Variants in EHBP1 observed in about 807,000 individuals in gnomAD.
EHBP1 encodes EH domain-binding protein 1.
A neutral mutation model predicts 144.0 loss-of-function variants in EHBP1; 55 were observed. That is an observed-to-expected ratio of 0.38 (90% CI 0.31 to 0.48). EHBP1 has a LOEUF of 0.48. Among genes scored for constraint, EHBP1 ranks in the 20% least tolerant of loss-of-function variants. EHBP1 has a pLI of 0.98. For missense variants in EHBP1, 1,200 were observed against 1,364.2 expected (o/e 0.88, Z 1.90); for synonymous variants, 469 against 472.7 (o/e 0.99, Z 0.10).
At chr2:63,013,132 C>T (rs1485697186) in intron 19 of EHBP1, among the ~76,000 whole-genome samples, 1 of 152,162 alleles carries the variant, frequency 6.6e-6, no homozygotes, top group Non-Finnish European at 1.5e-5. Context: ...TCGGGTCTTA[C>T]ATAGTGAGCA....
rs777135815 is a variant in EHBP1 at position 62,993,932 on chromosome 2, G to A, written c.2934G>A (p.Ala978=). Residue 978 remains alanine (A), a synonymous_variant, in exon 18 of 23, where the codon GCG becomes GCA. Coordinates refer to ENST00000431489, the MANE Select transcript of EHBP1 (RefSeq NM_001142616.3). ...DTKKGNEEKA[A]ITETQRKPSE... Reference sequence around the variant, plus strand: ...AGAAAGGAAATGAGGAGAAGGCAGCGATAACTGAAACTCAGAGGAAGCCAT... The same window carrying A: ...AGAAAGGAAATGAGGAGAAGGCAGCAATAACTGAAACTCAGAGGAAGCCAT... 30 of 1,589,638 alleles carry A rather than the reference G, an allele frequency of 1.9e-5. No homozygotes were observed. The highest frequency in any genetic ancestry group is 4.5e-5 in the East Asian group (2 of 44,208).
Position 62,707,276 on chromosome 2 carries a change from G to A in EHBP1, c.85G>A (p.Val29Ile). The change falls in exon 2 of 23, where the codon GTT becomes ATT. Residue 29 changes from valine (V) to isoleucine (I), a missense_variant. By Grantham distance (29) the Val-to-Ile change is conservative. This residue lies in a region of EHBP1 where 137 missense variants were observed against 190.1 expected (regional missense o/e 0.72). Transcript: ENST00000431489. ...QFVASYQELM[V>I]ECTKKWQPDK... ...TGTGGCCTCCTACCAGGAGCTCATG[G>A]TTGAGTGTACGAAGAAATGGTAAGA... The A allele has an allele frequency of 6.2e-7, 1 of 1,614,034 alleles. No homozygotes were observed. The highest frequency in any genetic ancestry group is 8.5e-7 in the Non-Finnish European group (1 of 1,179,866).
At chr2:62,691,127 A>C (rs1177314849) in intron 1 of EHBP1, among the ~76,000 whole-genome samples, 2 of 152,238 alleles carry the variant, frequency 1.3e-5, no homozygotes, top group East Asian at 3.8e-4. Flanking sequence ...TATCCTTCAT[A>C]AGCTGACTGT....
At chr2:62,950,532 GA>G (rs997004039) in intron 13 of EHBP1, among the ~76,000 whole-genome samples, 2 of 151,936 alleles carry the variant, frequency 1.3e-5, no homozygotes, top group Non-Finnish European at 2.9e-5. Flanking sequence ...ACTTCTAAAT[GA>G]AAAAAATATT....
intron 14 of EHBP1, among the ~76,000 whole-genome samples, chr2:62,970,772 T>C (rs2058463239): frequency 1.3e-5 from 2 of 152,228 alleles, no homozygotes; most frequent in African/African-American, 4.8e-5. Flanking sequence ...TCTTGTTCTC[T>C]GTGAAATGAA....
At chr2:62,972,340 C>T (rs1443749042) in intron 14 of EHBP1, among the ~76,000 whole-genome samples, 1 of 152,014 alleles carries the variant, frequency 6.6e-6, no homozygotes, top group South Asian at 2.1e-4. Flanking sequence ...TCATTTTATC[C>T]TTAGACATAA....
At position 62,957,611 on chromosome 2, in the gene EHBP1, G is replaced by C. The variant is rs953351595; in HGVS notation, c.2460+1951G>C. Among the ~76,000 whole-genome samples the C allele has an allele frequency of 5.6e-5, 8 of 142,208 alleles. No homozygotes were observed. The East Asian group carries it at 1.7e-3, about 30-fold the overall frequency. 93.3% of individuals were successfully genotyped at this position (142,208 alleles called of 152,430 possible). A position where few individuals can be genotyped will look rare whatever the true frequency, so the allele number is the denominator to read the frequency against. ...ATTCCCCCAAAATTACAAGATTACT[G>C]GACATAAAATTAATATTTGAAAATA... On this transcript the variant is annotated intron_variant, in intron 14 of 22. Transcript: ENST00000431489.
chr2:62,891,787 T>A (rs1373538247), intron 10 of EHBP1, among the ~76,000 whole-genome samples: 1 of 152,164 alleles, frequency 6.6e-6, no homozygotes, highest in African/African-American at 2.4e-5. Context: ...AGTTTATGGC[T>A]TAGGAAACTT....
intron 1 of EHBP1, among the ~76,000 whole-genome samples, chr2:62,687,530 A>G (rs2033759379): frequency 1.3e-5 from 2 of 152,224 alleles, no homozygotes; most frequent in Non-Finnish European, 1.5e-5. Flanking sequence ...TAAACTGTTT[A>G]GGAATTCCAA....
chr2:62,886,873 C>G (rs1193732441), intron 10 of EHBP1, among the ~76,000 whole-genome samples: 1 of 152,084 alleles, frequency 6.6e-6, no homozygotes, highest in Non-Finnish European at 1.5e-5. Flanking sequence ...TATGTTGACC[C>G]TATCACAATT....
At chr2:62,678,627 A>AT (rs534105367) in intron 1 of EHBP1, among the ~76,000 whole-genome samples, 7 of 151,878 alleles carry the variant, frequency 4.6e-5, no homozygotes, top group African/African-American at 1.2e-4. Context: ...TATTCAACTC[A>AT]TTTTTTTTCA....
intron 5 of EHBP1, among the ~76,000 whole-genome samples, chr2:62,820,740 ATATATATATATATATATATATAT>A (rs2045909157): frequency 3.0e-5 from 1 of 33,506 alleles, no homozygotes; most frequent in African/African-American, 1.2e-4. Context: ...TGTGTATAAT[ATATATATATATATATATATATAT>A]ATATATATAT....
At chr2:62,874,833 A>G (rs2050754582) in intron 10 of EHBP1, among the ~76,000 whole-genome samples, 2 of 152,140 alleles carry the variant, frequency 1.3e-5, no homozygotes, top group Admixed American at 1.3e-4. Flanking sequence ...TAACTATAGG[A>G]GAGCTTCAGC....
At chr2:62,831,651 A>G (rs2046831594) in intron 7 of EHBP1, among the ~76,000 whole-genome samples, 1 of 152,222 alleles carries the variant, frequency 6.6e-6, no homozygotes, top group Non-Finnish European at 1.5e-5. Context: ...TCAAGCTACT[A>G]AGATGTTAAG....
intron 8 of EHBP1, among the ~76,000 whole-genome samples, chr2:62,862,670 C>T (rs1378727412): frequency 6.6e-6 from 1 of 152,136 alleles, no homozygotes; most frequent in Non-Finnish European, 1.5e-5. Flanking sequence ...TTGTAATAAT[C>T]AGATTAAGTT....
At chr2:62,917,557 A>G (rs193003459) in intron 10 of EHBP1, among the ~76,000 whole-genome samples, 1 of 152,272 alleles carries the variant, frequency 6.6e-6, no homozygotes, top group East Asian at 1.9e-4. Context: ...TAGTTCAGGT[A>G]TGTTCTTAAT....
At chr2:62,997,454 G>T (rs1211195275) in intron 19 of EHBP1, among the ~76,000 whole-genome samples, 2 of 151,280 alleles carry the variant, frequency 1.3e-5, no homozygotes, top group East Asian at 3.9e-4. Context: ...GTGTGTGTGT[G>T]TGTGTGTGTG....
chr2:62,951,351 C>G (rs1010825676), intron 13 of EHBP1, among the ~76,000 whole-genome samples: 5 of 152,072 alleles, frequency 3.3e-5, no homozygotes, highest in African/African-American at 1.2e-4. Context: ...AAGCAAGCCC[C>G]TGTTCTCCTA....
chr2:63,000,732 AG>A (rs1395935302), intron 19 of EHBP1, among the ~76,000 whole-genome samples: 1 of 152,038 alleles, frequency 6.6e-6, no homozygotes, highest in Middle Eastern at 3.2e-3. Flanking sequence ...CTATATTTCA[AG>A]GCATAGTATT....
Sources: allele counts gnomAD v4.1 joint callset (sites outside exome capture counted in the v4.1 genomes callset), GRCh38; gene constraint gnomAD v4.1.1; regional missense constraint gnomAD v4.1.1; transcripts MANE v1.5; gene names NCBI Gene and HGNC (gene_info 2026-07-23, HGNC 2026-07-21).